The following ELMOD3 variants were observed in gnomAD, a reference collection of about 807,000 sequenced individuals.
ELMOD3 encodes the protein ELMO domain-containing protein 3.
A neutral mutation model predicts 47.4 loss-of-function variants in ELMOD3; 36 were observed. The ratio of observed to expected loss-of-function variants is 0.76; its 90% CI spans 0.58 to 1.00. The LOEUF (loss-of-function observed/expected upper bound fraction) is 1.00, where lower values mean the gene tolerates loss of function less well. Ranked by LOEUF, ELMOD3 falls within the 50% of genes least tolerant of loss-of-function variation. The pLI, the probability that ELMOD3 is intolerant of heterozygous loss-of-function variation, is 0.00. For synonymous variants in ELMOD3, 149 were observed against 183.5 expected, an observed-to-expected ratio of 0.81 and a Z score of 1.52; for missense variants, 404 against 463.8, an observed-to-expected ratio of 0.87 and a Z score of 1.18.
In ELMOD3 at chr2:85,377,328, AC is replaced by A; in HGVS notation, c.608-15del. ...GCTCGCTGCCACACCCTGTTTCCTC[AC>A]GGTCTCTGTTACAGGAGCGAATCCA... On this transcript the variant is annotated splice_polypyrimidine_tract_variant and intron_variant, in intron 10 of 13. Transcript: ENST00000409013. 6.3e-7 allele frequency: 1 copy of A among 1,575,032 alleles called. No individual in the cohort carries two copies. Among genetic ancestry groups the A allele is most frequent in the Non-Finnish European group, 8.6e-7 (1 of 1,162,152 alleles).
intron 6 of ELMOD3, among the ~76,000 whole-genome samples, chr2:85,367,231 G>T (rs1041845089): frequency 6.6e-6 from 1 of 152,212 alleles, no homozygotes; most frequent in East Asian, 1.9e-4. Flanking sequence ...AGCACGGGTT[G>T]TCAGGGTCTC....
At chr2:85,388,257 G>A (rs1686077063) in intron 11 of ELMOD3, among the ~76,000 whole-genome samples, 1 of 152,054 alleles carries the variant, frequency 6.6e-6, no homozygotes, top group African/African-American at 2.4e-5. Context: ...CCAAAGTGTT[G>A]GATTGTGAGC....
Position 85,363,503 on chromosome 2 carries a change from G to A in ELMOD3, c.199+337G>A, listed in dbSNP as rs537106960. Among the ~76,000 whole-genome samples, 23 of 152,300 alleles carry A rather than the reference G, an allele frequency of 1.5e-4. No individual in the cohort carries two copies. The South Asian group carries it at 2.1e-3, about 14-fold the overall frequency. ...TTCTACTTCATCTGCTTTGCAAGGC[G>A]CTTCCCCATACTATATTTAAAGTTC... On this transcript the variant is annotated intron_variant, in intron 6 of 13. Transcript: ENST00000409013.
At chr2:85,386,591 G>C (rs1685944817) in intron 11 of ELMOD3, among the ~76,000 whole-genome samples, 1 of 151,976 alleles carries the variant, frequency 6.6e-6, no homozygotes, top group Admixed American at 6.5e-5. Context: ...CACCATGTTG[G>C]TCAGGCTAGT....
At position 85,375,571 on chromosome 2, in the gene ELMOD3, CTT is replaced by C. The variant is rs146576275; in HGVS notation, c.608-1771_608-1770del. Among the ~76,000 whole-genome samples, 655 of 152,212 alleles carry C rather than the reference CTT, an allele frequency of 4.3e-3. 14 individuals are homozygous for C. The East Asian group carries it at 0.061, about 14-fold the overall frequency. On this transcript the variant is annotated intron_variant, in intron 10 of 13. Transcript: ENST00000409013. ...TATATCTGCTGTTTCTTTACTGAAA[CTT>C]TCTATTTTTTCATTTTTTCAAAGTG...
intron 4 of ELMOD3, chr2:85,357,618 T>C (rs1233572827): frequency 6.2e-6 from 1 of 161,822 alleles, no homozygotes; most frequent in Non-Finnish European, 1.3e-5. Context: ...TATGTCTTTG[T>C]ATGAGCCGGG....
rs143013540 is a variant in ELMOD3, at chr2:85,357,394, A to G, written c.54+142A>G. The G allele has an allele frequency of 2.0e-3, 988 of 500,516 alleles. 10 individuals are homozygous for G. Among genetic ancestry groups the G allele is most frequent in the African/African-American group, 0.018 (910 of 49,546 alleles). The allele number at this position is 500,516 out of a possible 1,614,324, so 31.0% of individuals were successfully genotyped here. The stretch of plus-strand genomic sequence containing the variant: ...CTTTGTTCTGTAAGAAGGAGCTTCT[A>G]TTCACCTCAGGGTCAATTGCTTTTC... On this transcript the variant is annotated intron_variant, in intron 4 of 13. Coordinates refer to ENST00000409013, the MANE Select transcript of ELMOD3 (RefSeq NM_001135022.2).
At position 85,377,494 on chromosome 2, in the gene ELMOD3, C is replaced by A; in HGVS notation, c.738+20C>A. 1.3e-6 allele frequency: 2 copies of A among 1,598,910 alleles called. No individual in the cohort carries two copies. ...ATCCAGGTGAGACTTTGGTGGGAAG[C>A]CAGAGGAAAGGAAAGGGCCGTGGAG... On this transcript the variant is annotated intron_variant, in intron 11 of 13. Coordinates refer to ENST00000409013, the MANE Select transcript of ELMOD3 (RefSeq NM_001135022.2).
chr2:85,371,602 T>G (rs1490602311), intron 10 of ELMOD3, 40 bp downstream of exon 10: 1 of 1,612,274 alleles, frequency 6.2e-7, no homozygotes, highest in Non-Finnish European at 8.5e-7. Flanking sequence ...TTCATGCCTC[T>G]GATTCCAGGA....
At position 85,359,055 on chromosome 2, in the gene ELMOD3, A is replaced by G. The variant is rs75700570; in HGVS notation, c.54+1803A>G. 8.7e-3 allele frequency among the ~76,000 whole-genome samples: 1,319 copies of G among 152,350 alleles called. 7 individuals carry two copies. The highest frequency in any genetic ancestry group is 0.012 in the Non-Finnish European group (804 of 68,030). On this transcript the variant is annotated intron_variant, in intron 4 of 13. Transcript: ENST00000409013. ...CTTTCTCATTTGTCTTTATGGCCAT[A>G]TAGTATCTCACTGAGTGAATGTGCT... is the stretch of plus-strand genomic sequence containing the variant.
At chr2:85,368,790 C>A (rs1250014823) in intron 7 of ELMOD3, 36 bp downstream of exon 7, 8 of 1,610,722 alleles carry the variant, frequency 5.0e-6, no homozygotes, top group Non-Finnish European at 6.8e-6. Flanking sequence ...CCCATAGCCC[C>A]TCTGCCAGCA....
chr2:85,374,587 C>G (rs921199516), intron 10 of ELMOD3, among the ~76,000 whole-genome samples: 54 of 152,012 alleles, frequency 3.6e-4, no homozygotes, highest in Admixed American at 2.7e-3. Context: ...AATGATCCAC[C>G]TGCATGAGCC....
chr2:85,372,081 A>G (rs557627901), intron 10 of ELMOD3: 10 of 153,662 alleles, frequency 6.5e-5, no homozygotes, highest in African/African-American at 1.9e-4. Flanking sequence ...AGGCAGGAGA[A>G]TTGCTTGAAC....
chr2:85,377,222 G>A (rs951078322), intron 10 of ELMOD3, 122 bp from the exon 11 acceptor site: 4 of 866,016 alleles, frequency 4.6e-6, no homozygotes, highest in Admixed American at 3.4e-5. Flanking sequence ...GGCAGAAAGT[G>A]GACGTGTGCT....
chr2:85,389,654 TG>T, intron 11 of ELMOD3, 96 bp from the exon 12 acceptor site: 1 of 913,316 alleles, frequency 1.1e-6, no homozygotes, highest in Non-Finnish European at 1.8e-6. Context: ...CTGTTGCCTC[TG>T]GGGCTGTGCT....
intron 4 of ELMOD3, 45 bp from the exon 5 acceptor site, chr2:85,362,141 G>C (rs376246866): frequency 8.8e-7 from 1 of 1,131,640 alleles, no homozygotes; most frequent in African/African-American, 1.5e-5. Context: ...TTATCTTTGG[G>C]GGATTAATAT....
At chr2:85,383,683 T>C (rs1457576769) in intron 11 of ELMOD3, among the ~76,000 whole-genome samples, 1 of 152,144 alleles carries the variant, frequency 6.6e-6, no homozygotes, top group Non-Finnish European at 1.5e-5. Context: ...CTCCCAGACC[T>C]CAGCAAATTG....
chr2:85,389,842 A>G lies in ELMOD3; in HGVS notation c.815+15A>G. 1 of 1,609,418 alleles carries G rather than the reference A, an allele frequency of 6.2e-7. No homozygotes were observed. The highest frequency in any genetic ancestry group is 2.2e-5 in the East Asian group (1 of 44,844). ...TGTCTCTCCAGGTGAGTCCCCAAACACCAGCTGGTTAGAGTGACCCAGCAA... is the reference window on the plus strand; with the variant it reads ...TGTCTCTCCAGGTGAGTCCCCAAACGCCAGCTGGTTAGAGTGACCCAGCAA... On this transcript the variant is annotated intron_variant, in intron 12 of 13. Transcript: ENST00000409013.
intron 11 of ELMOD3, among the ~76,000 whole-genome samples, chr2:85,382,006 A>G (rs1685572843): frequency 1.4e-5 from 2 of 148,046 alleles, no homozygotes; most frequent in South Asian, 4.3e-4. Context: ...AATCCCAGCT[A>G]CTCGGGAGGC....
Sources: gnomAD v4.1 joint callset for allele counts (sites outside exome capture counted in the v4.1 genomes callset) on GRCh38, gnomAD v4.1.1 for gene constraint, MANE v1.5 for transcripts, NCBI Gene and HGNC (gene_info 2026-07-23, HGNC 2026-07-21) for gene names.